Variants in SUGCT observed in about 807,000 individuals in gnomAD.
The protein encoded by SUGCT is succinyl-CoA:glutarate-CoA transferase.
In SUGCT, 41 loss-of-function variants were observed where a neutral mutation model predicts 55.0. The ratio of observed to expected loss-of-function variants is 0.74; its 90% CI spans 0.58 to 0.97. The LOEUF (loss-of-function observed/expected upper bound fraction) is 0.97. SUGCT is among the 50% of genes least tolerant of loss of function. The pLI, the probability that SUGCT is intolerant of heterozygous loss-of-function variation, is 0.00. For missense variants in SUGCT, 568 were observed against 547.8 expected (o/e 1.04, Z -0.37); for synonymous variants, 187 against 200.4 (o/e 0.93, Z 0.56).
the SUGCT span, among the ~76,000 whole-genome samples, chr7:40,901,534 G>C: frequency 6.6e-6 from 1 of 152,172 alleles, no homozygotes; most frequent in Non-Finnish European, 1.5e-5. Context: ...TCCCCAAGGC[G>C]TTCTGCAAGC....
At chr7:40,953,892 G>A in the SUGCT span, among the ~76,000 whole-genome samples, 6 of 152,312 alleles carry the variant, frequency 3.9e-5, no homozygotes, top group Admixed American at 1.3e-4. Flanking sequence ...TAGGCTACTC[G>A]GGGGTCAGGG....
At chr7:40,481,230 C>T (rs946421298) in intron 11 of SUGCT, among the ~76,000 whole-genome samples, 1 of 151,858 alleles carries the variant, frequency 6.6e-6, no homozygotes, top group African/African-American at 2.4e-5. Context: ...CCCACCCGTT[C>T]GAGAGGCTGA....
chr7:40,835,537 C>G (rs1792919168), intron 13 of SUGCT, among the ~76,000 whole-genome samples: 1 of 152,148 alleles, frequency 6.6e-6, no homozygotes, highest in Non-Finnish European at 1.5e-5. Flanking sequence ...CATTCTATGC[C>G]AATCTCCAGA....
intron 7 of SUGCT, among the ~76,000 whole-genome samples, chr7:40,250,710 G>T (rs1051855489): frequency 3.3e-5 from 5 of 151,758 alleles, no homozygotes; most frequent in Non-Finnish European, 7.4e-5. Flanking sequence ...GAAATAGAGG[G>T]TATTGCTCCA....
At chr7:40,882,925 T>C in the SUGCT span, among the ~76,000 whole-genome samples, 7 of 152,232 alleles carry the variant, frequency 4.6e-5, no homozygotes, top group Non-Finnish European at 1.0e-4. Context: ...CATCTCCATC[T>C]GTTCCTTCGT....
At chr7:41,018,050 A>G in the SUGCT span, among the ~76,000 whole-genome samples, 23 of 151,976 alleles carry the variant, frequency 1.5e-4, no homozygotes, top group Non-Finnish European at 2.9e-4. Flanking sequence ...GGTCAAAGGA[A>G]GGCAGCCCTA....
At chr7:40,824,001 G>A (rs1212515976) in intron 13 of SUGCT, among the ~76,000 whole-genome samples, 3 of 152,110 alleles carry the variant, frequency 2.0e-5, no homozygotes, top group African/African-American at 7.2e-5. Flanking sequence ...TTTCCTAAAA[G>A]AACTCACACT....
intron 12 of SUGCT, among the ~76,000 whole-genome samples, chr7:40,534,896 C>T (rs1325021614): frequency 6.6e-6 from 1 of 152,076 alleles, no homozygotes; most frequent in Non-Finnish European, 1.5e-5. Flanking sequence ...TTATTGGTGA[C>T]AGGTGATCAC....
At position 40,323,883 on chromosome 7, in the gene SUGCT, G is replaced by A. The variant is rs1795875001; in HGVS notation, c.816+7028G>A. On this transcript the variant is annotated intron_variant, in intron 9 of 13. Coordinates refer to ENST00000335693, the MANE Select transcript of SUGCT (RefSeq NM_001193313.2). ...GCCATCTCTCTCAAGTGGCCCCTCG[G>A]GCTTACCCAGAAATCCTGCCACCTT... is the stretch of plus-strand genomic sequence containing the variant. 3.9e-5 allele frequency among the ~76,000 whole-genome samples: 6 copies of A among 151,926 alleles called. No individual in the cohort carries two copies. In the South Asian group the frequency reaches 1.0e-3, roughly 26 times the overall value.
chr7:40,952,787 C>T, the SUGCT span, among the ~76,000 whole-genome samples: 1 of 152,230 alleles, frequency 6.6e-6, no homozygotes, highest in Non-Finnish European at 1.5e-5. Flanking sequence ...GGCCCCCACT[C>T]TCTTCTGGCT....
intron 11 of SUGCT, among the ~76,000 whole-genome samples, chr7:40,485,032 A>C (rs529201658): frequency 4.5e-4 from 69 of 152,212 alleles, no homozygotes; most frequent in African/African-American, 1.6e-3. Context: ...CTTACCCCAC[A>C]GGATGTTGGA....
At chr7:40,184,221 A>C (rs1196628102) in intron 3 of SUGCT, among the ~76,000 whole-genome samples, 1 of 152,100 alleles carries the variant, frequency 6.6e-6, no homozygotes, top group African/African-American at 2.4e-5. Flanking sequence ...TCCAATAAGC[A>C]CTTAAAGGGC....
intron 9 of SUGCT, among the ~76,000 whole-genome samples, chr7:40,361,848 C>T (rs1798171616): frequency 6.6e-6 from 1 of 151,676 alleles, no homozygotes; most frequent in Middle Eastern, 3.2e-3. Context: ...TCTGAGGGCA[C>T]ATTGGAATCA....
At chr7:40,766,142 G>C (rs558217483) in intron 13 of SUGCT, among the ~76,000 whole-genome samples, 2 of 152,152 alleles carry the variant, frequency 1.3e-5, no homozygotes, top group South Asian at 4.1e-4. Context: ...TGTAGAAAAA[G>C]TGATACATAT....
At chr7:40,332,630 G>A (rs1001381310) in intron 9 of SUGCT, among the ~76,000 whole-genome samples, 1 of 152,066 alleles carries the variant, frequency 6.6e-6, no homozygotes, top group African/African-American at 2.4e-5. Flanking sequence ...AAGCTGGGAG[G>A]CAGGGAACAA....
chr7:40,656,521 C>T (rs1801024979), intron 12 of SUGCT, among the ~76,000 whole-genome samples: 1 of 152,184 alleles, frequency 6.6e-6, no homozygotes, highest in Admixed American at 6.5e-5. Context: ...GAAAACTCTT[C>T]CTTCTGTCCC....
chr7:40,665,147 G>A (rs988487514), intron 12 of SUGCT, among the ~76,000 whole-genome samples: 1 of 151,540 alleles, frequency 6.6e-6, no homozygotes, highest in Non-Finnish European at 1.5e-5. Context: ...AAATTTACAA[G>A]TACCGGCCAG....
chr7:40,740,201 C>T (rs1787388714), intron 12 of SUGCT, among the ~76,000 whole-genome samples: 1 of 151,842 alleles, frequency 6.6e-6, no homozygotes, highest in Non-Finnish European at 1.5e-5. Context: ...TTTTGGTTTG[C>T]ACATGTTTAT....
At chr7:40,913,249 C>T in the SUGCT span, among the ~76,000 whole-genome samples, 31 of 152,106 alleles carry the variant, frequency 2.0e-4, 1 homozygote, top group South Asian at 6.0e-3. Context: ...GATGGACACA[C>T]CATAAGCAGT....
Sources: gnomAD v4.1 joint callset for allele counts (sites outside exome capture counted in the v4.1 genomes callset) on GRCh38, gnomAD v4.1.1 for gene constraint, MANE v1.5 for transcripts, NCBI Gene and HGNC (gene_info 2026-07-23, HGNC 2026-07-21) for gene names.